MELK: variants seen among roughly 807,000 people sequenced by gnomAD.
The protein encoded by MELK is maternal embryonic leucine zipper kinase.
In MELK, 81 loss-of-function variants were observed where a neutral mutation model predicts 85.0. The observed-to-expected ratio is 0.95, with a 90% CI of 0.80 to 1.15. The LOEUF (loss-of-function observed/expected upper bound fraction) is 1.15, where lower values mean the gene tolerates loss of function less well. MELK is among the 50% of genes most tolerant of loss of function. MELK has a pLI of 0.00. For missense variants in MELK, 754 were observed against 777.5 expected, an observed-to-expected ratio of 0.97 and a Z score of 0.36; for synonymous variants, 252 against 265.0, an observed-to-expected ratio of 0.95 and a Z score of 0.48.
At chr9:36,603,854 C>G (rs150252867) in intron 7 of MELK, among the ~76,000 whole-genome samples, 1 of 152,066 alleles carries the variant, frequency 6.6e-6, no homozygotes, top group Non-Finnish European at 1.5e-5. Flanking sequence ...GCTTTTTCTG[C>G]TTTCTTTTTT....
chr9:36,637,652 A>G (rs1466874304), intron 10 of MELK, among the ~76,000 whole-genome samples: 1 of 152,258 alleles, frequency 6.6e-6, no homozygotes, highest in Non-Finnish European at 1.5e-5. Context: ...GATATGCCAC[A>G]GCATAGAATT....
chr9:36,598,998 C>G (rs892222039), intron 6 of MELK, among the ~76,000 whole-genome samples: 2 of 152,030 alleles, frequency 1.3e-5, no homozygotes, highest in Admixed American at 1.3e-4. Flanking sequence ...TGCTTGTGCT[C>G]AAATAATTTT....
In MELK at chr9:36,582,618, T is replaced by C. The variant is rs141161426; in HGVS notation, c.58+879T>C. Among the ~76,000 whole-genome samples, 99 of 152,316 alleles carry C rather than the reference T, an allele frequency of 6.5e-4. 1 individual carries two copies. In the East Asian group the frequency reaches 0.012, roughly 19 times the overall value. ...ATCTCAGTGGAGTTTTACACATATA[T>C]ATGTATACACATACCCATATATTCC... On this transcript the variant is annotated intron_variant, in intron 2 of 17. Transcript: ENST00000298048.
At position 36,647,326 on chromosome 9, in the gene MELK, A is replaced by G. The variant is rs578238635; in HGVS notation, c.921+4243A>G. On this transcript the variant is annotated intron_variant, in intron 11 of 17. Transcript: ENST00000298048. ...TAGTCAGTTTATGACATCTCTTTCAAAAAGGTGGCTATCGTACATGGGGCT... is the reference window on the plus strand; with the variant it reads ...TAGTCAGTTTATGACATCTCTTTCAGAAAGGTGGCTATCGTACATGGGGCT... Among the ~76,000 whole-genome samples the G allele has an allele frequency of 2.6e-5, 4 of 152,302 alleles. No homozygotes were observed. The South Asian group carries it at 8.3e-4, about 32-fold the overall frequency.
chr9:36,602,718 C>G (rs1442613395), intron 7 of MELK, among the ~76,000 whole-genome samples: 1 of 151,802 alleles, frequency 6.6e-6, no homozygotes, highest in Non-Finnish European at 1.5e-5. Flanking sequence ...TGCCACCATG[C>G]TTGGCTAATT....
chr9:36,614,425 G>GTTTTTTTTTTTTTTTTTTTTT, intron 8 of MELK, among the ~76,000 whole-genome samples: 1 of 118,996 alleles, frequency 8.4e-6, no homozygotes, highest in Non-Finnish European at 1.6e-5. Context: ...TTATTTTTGG[G>GTTTTTTTTTTTTTTTTTTTTT]TTTTTTTTTT....
intron 15 of MELK, 60 bp from the exon 16 acceptor site, chr9:36,670,938 G>T (rs1024583507): frequency 1.3e-6 from 2 of 1,517,700 alleles, no homozygotes; most frequent in African/African-American, 2.8e-5. Context: ...GTTCACCCTT[G>T]TGGACCCCAC....
intron 10 of MELK, 25 bp downstream of exon 10, chr9:36,633,225 A>ATT: frequency 6.5e-7 from 1 of 1,536,258 alleles, no homozygotes; most frequent in Non-Finnish European, 8.8e-7. Flanking sequence ...ATCCAGTAGA[A>ATT]TTTTTTTTTG....
chr9:36,631,378 G>A (rs1413731486), intron 9 of MELK, among the ~76,000 whole-genome samples: 1 of 151,984 alleles, frequency 6.6e-6, no homozygotes, highest in African/African-American at 2.4e-5. Flanking sequence ...TGGTTCTCGT[G>A]CCTCAGCCTC....
At chr9:36,656,101 A>C (rs141648927) in intron 12 of MELK, among the ~76,000 whole-genome samples, 24 of 152,310 alleles carry the variant, frequency 1.6e-4, no homozygotes, top group African/African-American at 5.8e-4. Context: ...TAGAGGAGGA[A>C]GAATGAAAGA....
intron 11 of MELK, among the ~76,000 whole-genome samples, chr9:36,651,290 T>G (rs1386157623): frequency 6.6e-6 from 1 of 152,204 alleles, no homozygotes; most frequent in Non-Finnish European, 1.5e-5. Flanking sequence ...TTATCCCTAC[T>G]TAGTTGTGAA....
chr9:36,657,098 C>G (rs896626146), intron 12 of MELK, 143 bp from the exon 13 acceptor site: 2 of 973,008 alleles, frequency 2.1e-6, no homozygotes, highest in South Asian at 3.5e-5. Flanking sequence ...TGTGTAAGTA[C>G]ATTTTATGAT....
intron 9 of MELK, among the ~76,000 whole-genome samples, chr9:36,630,622 ACT>A (rs1241138043): frequency 6.6e-6 from 1 of 151,946 alleles, no homozygotes; most frequent in African/African-American, 2.4e-5. Flanking sequence ...TTCTTGTTCC[ACT>A]CTCTTTTATT....
chr9:36,606,713 A>G (rs887084322), intron 7 of MELK: 1 of 147,968 alleles, frequency 6.8e-6, no homozygotes, highest in Non-Finnish European at 1.5e-5. Flanking sequence ...GTATATATGG[A>G]CATGCATGCA....
intron 11 of MELK, among the ~76,000 whole-genome samples, chr9:36,646,473 G>A (rs1473679443): frequency 6.6e-6 from 1 of 152,292 alleles, no homozygotes; most frequent in Non-Finnish European, 1.5e-5. Flanking sequence ...ATATACAGGA[G>A]CACTCTGAAA....
At chr9:36,607,429 C>G (rs1825666205) in intron 7 of MELK, 146 bp from the exon 8 acceptor site, 1 of 633,182 alleles carries the variant, frequency 1.6e-6, no homozygotes. Flanking sequence ...GGTTCTCTGA[C>G]TATAGAATAA....
chr9:36,609,438 TTTC>T (rs1281926829), intron 8 of MELK, among the ~76,000 whole-genome samples: 72 of 149,882 alleles, frequency 4.8e-4, no homozygotes, highest in African/African-American at 1.7e-3. Flanking sequence ...CTTCACTCTC[TTTC>T]TTCTTCTTTT....
rs535387910 is a variant in MELK at position 36,617,970 on chromosome 9, A to T, written c.666+10297A>T. Among the ~76,000 whole-genome samples, 69 of 150,438 alleles carry T rather than the reference A, an allele frequency of 4.6e-4. 1 individual carries two copies. Among genetic ancestry groups the T allele is most frequent in the African/African-American group, 1.6e-3 (64 of 41,036 alleles). ...GTGAGACTCCGTCTCTACAAAAAAT[A>T]AAAAAAAAATTAGCTGGGCATGGTG... On this transcript the variant is annotated intron_variant, in intron 8 of 17. Coordinates refer to ENST00000298048, the MANE Select transcript of MELK (RefSeq NM_014791.4).
intron 6 of MELK, among the ~76,000 whole-genome samples, chr9:36,598,691 A>C (rs1479860091): frequency 2.6e-5 from 4 of 152,190 alleles, no homozygotes; most frequent in African/African-American, 7.2e-5. Flanking sequence ...GTATTTGTGA[A>C]GATTTCATAC....
Sources: allele counts gnomAD v4.1 joint callset (sites outside exome capture counted in the v4.1 genomes callset), GRCh38; gene constraint gnomAD v4.1.1; transcripts MANE v1.5; gene names NCBI Gene and HGNC (gene_info 2026-07-23, HGNC 2026-07-21).